DOP1B: variants seen among roughly 807,000 people sequenced by gnomAD.
DOP1B encodes the protein DOP1 leucine zipper like protein B, also known as protein DOP1B.
In DOP1B, 174 loss-of-function variants were observed where a neutral mutation model predicts 233.5. The ratio of observed to expected loss-of-function variants is 0.75; its 90% CI spans 0.66 to 0.85. The LOEUF (loss-of-function observed/expected upper bound fraction) is 0.85, where lower values mean the gene tolerates loss of function less well. Among genes scored for constraint, DOP1B ranks in the 40% least tolerant of loss-of-function variants. The probability of loss-of-function intolerance (pLI) is 0.00; values close to 1 mark genes in which losing one functional copy is unlikely to be tolerated. For synonymous variants in DOP1B, 1,190 were observed against 1,185.6 expected, an observed-to-expected ratio of 1.00 and a Z score of -0.08; for missense variants, 2,652 against 2,846.6, an observed-to-expected ratio of 0.93 and a Z score of 1.56.
intron 21 of DOP1B, among the ~76,000 whole-genome samples, chr21:36,250,042 C>G (rs2067014732): frequency 6.6e-6 from 1 of 152,166 alleles, no homozygotes; most frequent in African/African-American, 2.4e-5. Context: ...TTAAACCAGG[C>G]TGTGGCTAGC....
chr21:36,288,186 G>A, intron 33 of DOP1B, 36 bp downstream of exon 33: 1 of 1,578,868 alleles, frequency 6.3e-7, no homozygotes, highest in Non-Finnish European at 8.6e-7. Context: ...AAGCAAGGTT[G>A]GAGCTTTTTA....
rs781424870 is a variant in DOP1B, at chr21:36,253,864, G to A, written c.5214G>A (p.Val1738=). The change falls in exon 23 of 37, where the codon GTG becomes GTA. Residue 1738 remains valine, a synonymous_variant. Transcript: ENST00000691173. ...AGACTGACACGCTGCTGCACCTGGT[G>A]AAGGAGGTGGTGAAGAGGCCACCCC... ...TLQTDTLLHL[V]KEVVKRPPQV... is the part of the protein sequence containing the mutation. The A allele has an allele frequency of 6.2e-7, 1 of 1,614,068 alleles. No individual in the cohort carries two copies. Among genetic ancestry groups the A allele is most frequent in the South Asian group, 1.1e-5 (1 of 91,084 alleles).
intron 12 of DOP1B, among the ~76,000 whole-genome samples, chr21:36,227,353 C>T (rs9980393): frequency 0.92 from 138,819 of 151,686 alleles, 64,036 homozygotes; most frequent in Non-Finnish European, 0.97. Flanking sequence ...CGAGACCATC[C>T]TGGCTAACAC....
intron 15 of DOP1B, among the ~76,000 whole-genome samples, chr21:36,233,426 G>A (rs1188126449): frequency 2.0e-5 from 3 of 152,314 alleles, no homozygotes; most frequent in East Asian, 3.9e-4. Context: ...GGAAGGTGAC[G>A]TGCTGGTGGC....
chr21:36,193,275 G>T (rs1258330772), intron 2 of DOP1B, among the ~76,000 whole-genome samples: 1 of 152,198 alleles, frequency 6.6e-6, no homozygotes, highest in Non-Finnish European at 1.5e-5. Flanking sequence ...GAGAAACAGG[G>T]ATTCCAATCT....
intron 22 of DOP1B, 80 bp from the exon 23 acceptor site, chr21:36,253,692 T>C: frequency 1.4e-6 from 2 of 1,479,298 alleles, no homozygotes; most frequent in Non-Finnish European, 1.8e-6. Flanking sequence ...ACGACTACTG[T>C]AGAATACAAT....
chr21:36,227,623 GA>G, intron 12 of DOP1B, 62 bp from the exon 13 acceptor site: 2 of 1,344,706 alleles, frequency 1.5e-6, no homozygotes, highest in Non-Finnish European at 9.9e-7. Flanking sequence ...GCCATTTTGA[GA>G]TGCATTGTTT....
intron 27 of DOP1B, among the ~76,000 whole-genome samples, chr21:36,272,408 G>A (rs531500106): frequency 8.5e-5 from 13 of 152,258 alleles, no homozygotes; most frequent in African/African-American, 2.9e-4. Context: ...CCAGGACTTT[G>A]GGAGGCCAAG....
chr21:36,222,312 C>T (rs2123520581), intron 10 of DOP1B, among the ~76,000 whole-genome samples: 1 of 151,958 alleles, frequency 6.6e-6, no homozygotes, highest in Non-Finnish European at 1.5e-5. Context: ...GATGCTATGG[C>T]TTATGCCTGT....
chr21:36,224,852 T>G (rs1313640069), intron 11 of DOP1B, among the ~76,000 whole-genome samples: 2 of 151,928 alleles, frequency 1.3e-5, no homozygotes, highest in Admixed American at 6.6e-5. Context: ...GATAAACTCC[T>G]GGAATTACTT....
intron 2 of DOP1B, among the ~76,000 whole-genome samples, chr21:36,176,145 A>G (rs1193554416): frequency 2.9e-5 from 2 of 69,684 alleles, no homozygotes; most frequent in African/African-American, 1.0e-4. Flanking sequence ...AGCACCCAGA[A>G]CTGCTGAGTC....
At position 36,251,221 on chromosome 21, in the gene DOP1B, G is replaced by A. The variant is rs1455550699; in HGVS notation, c.5058G>A (p.Gln1686=). The A allele has an allele frequency of 1.9e-6, 3 of 1,613,912 alleles. No individual in the cohort carries two copies. The highest frequency in any genetic ancestry group is 2.2e-5 in the East Asian group (1 of 44,888). Residue 1686 remains glutamine, a synonymous_variant, in exon 22 of 37, where the codon CAG becomes CAA. Coordinates refer to ENST00000691173, the MANE Select transcript of DOP1B (RefSeq NM_001320714.2). The part of the protein sequence containing the change: ...LNPLTAHLGV[Q]LTAAVAAVWS... ...CCTTGACGGCCCATCTTGGGGTTCA[G>A]TTGACAGCGGCTGTTGCGGCAGTGT...
chr21:36,202,192 AAAAC>A (rs3028919), intron 4 of DOP1B, among the ~76,000 whole-genome samples: 1,586 of 152,242 alleles, frequency 0.01, 25 homozygotes, highest in African/African-American at 0.036. Flanking sequence ...GTCTCAGAAA[AAAAC>A]AAACAAACAA....
At chr21:36,227,642 T>G (rs780007883) in intron 12 of DOP1B, 44 bp from the exon 13 acceptor site, 1 of 1,432,256 alleles carries the variant, frequency 7.0e-7, no homozygotes, top group East Asian at 2.4e-5. Flanking sequence ...TTTTTCTGAT[T>G]GTGAACCAAC....
chr21:36,244,019 CTTTTTTTTTTT>C (rs35020490), intron 18 of DOP1B, among the ~76,000 whole-genome samples: 5 of 70,582 alleles, frequency 7.1e-5, no homozygotes, highest in African/African-American at 3.0e-4. Flanking sequence ...TTTTCCTTTC[CTTTTTTTTTTT>C]TTTTTTTTTT....
chr21:36,241,604 G>T (rs2066892257), intron 18 of DOP1B, among the ~76,000 whole-genome samples: 1 of 146,540 alleles, frequency 6.8e-6, no homozygotes, highest in Admixed American at 6.9e-5. Context: ...CGCCTCCCGG[G>T]TTCAAGTGAT....
chr21:36,278,237 G>C lies in DOP1B; in HGVS notation c.5851G>C (p.Gly1951Arg). The change falls in exon 30 of 37, where the codon GGC becomes CGC. Residue 1951 changes from glycine (G) to arginine (R), a missense_variant. Around this residue, in one of 3 missense-constraint regions of DOP1B, gnomAD observed 2,617 missense variants for 2,794.3 expected, o/e 0.94. Transcript: ENST00000691173. ...SAYNAPSFRA[G>R]AQLLSSLSGY... ...CTACAATGCTCCCAGCTTCCGGGCTGGCGCTCAGCTGCTGAGCTCCCTGAG... is the reference window on the plus strand; with the variant it reads ...CTACAATGCTCCCAGCTTCCGGGCTCGCGCTCAGCTGCTGAGCTCCCTGAG... 6.2e-7 allele frequency: 1 copy of C among 1,614,120 alleles called. No individual in the cohort carries two copies. Among genetic ancestry groups the C allele is most frequent in the Non-Finnish European group, 8.5e-7 (1 of 1,180,030 alleles).
intron 2 of DOP1B, among the ~76,000 whole-genome samples, chr21:36,176,122 G>GTGTGTGTGTGT (rs55642925): frequency 3.3e-5 from 5 of 150,870 alleles, no homozygotes; most frequent in East Asian, 1.9e-4. Flanking sequence ...GTGTGTGTGT[G>GTGTGTGTGTGT]GTGATACAGT....
chr21:36,283,254 A>G (rs554401418), intron 32 of DOP1B, among the ~76,000 whole-genome samples: 1 of 151,790 alleles, frequency 6.6e-6, no homozygotes, highest in East Asian at 2.0e-4. Context: ...CTAATTTTTG[A>G]ATTTTTTTAG....
Sources: gnomAD v4.1 joint callset for allele counts (sites outside exome capture counted in the v4.1 genomes callset) on GRCh38, gnomAD v4.1.1 for gene constraint, gnomAD v4.1.1 regional missense constraint, MANE v1.5 for transcripts, NCBI Gene and HGNC (gene_info 2026-07-23, HGNC 2026-07-21) for gene names.